Variants in NLRC5 observed in about 807,000 individuals in gnomAD.
NLRC5 encodes the protein NLR family CARD domain containing 5, also known as protein NLRC5.
In NLRC5, 114 loss-of-function variants were observed where a neutral mutation model predicts 206.9. That is an observed-to-expected ratio of 0.55 (90% CI 0.47 to 0.64). NLRC5 has a LOEUF of 0.64. NLRC5 is among the 30% of genes least tolerant of loss of function. NLRC5 has a pLI of 0.00. For synonymous variants in NLRC5, 952 were observed against 962.8 expected (o/e 0.99, Z 0.21); for missense variants, 2,008 against 2,305.5 (o/e 0.87, Z 2.64).
At chr16:57,073,419 C>A (rs1039546308) in intron 38 of NLRC5, among the ~76,000 whole-genome samples, 1 of 152,136 alleles carries the variant, frequency 6.6e-6, no homozygotes, top group Non-Finnish European at 1.5e-5. Context: ...TGGGTAGGAG[C>A]ATGGACCCTA....
intron 2 of NLRC5, among the ~76,000 whole-genome samples, chr16:57,019,057 A>T (rs2060381117): frequency 6.6e-6 from 1 of 152,222 alleles, no homozygotes; most frequent in African/African-American, 2.4e-5. Flanking sequence ...TGCTGTGTAA[A>T]TGCCCCGTGC....
chr16:56,997,259 A>G (rs1405125226), intron 1 of NLRC5, among the ~76,000 whole-genome samples: 1 of 152,114 alleles, frequency 6.6e-6, no homozygotes, highest in African/African-American at 2.4e-5. Context: ...GCCTGGAAAT[A>G]TTGCTTGAGA....
At chr16:57,015,292 C>T (rs1460647992) in intron 1 of NLRC5, among the ~76,000 whole-genome samples, 1 of 152,186 alleles carries the variant, frequency 6.6e-6, no homozygotes, top group East Asian at 1.9e-4. Flanking sequence ...GACCTAATCA[C>T]TTCGCAAAGG....
At chr16:57,064,750 C>T (rs2066904900) in intron 32 of NLRC5, among the ~76,000 whole-genome samples, 1 of 152,042 alleles carries the variant, frequency 6.6e-6, no homozygotes, top group East Asian at 1.9e-4. Flanking sequence ...ATGGTGAAAC[C>T]CCATCTCTAC....
At chr16:56,996,172 CT>C (rs2057582668) in intron 1 of NLRC5, among the ~76,000 whole-genome samples, 1 of 152,022 alleles carries the variant, frequency 6.6e-6, no homozygotes, top group Admixed American at 6.6e-5. Flanking sequence ...GGCTTTCTTT[CT>C]TTCTTTTTTT....
In NLRC5 at chr16:57,023,824, G is replaced by T. The variant is rs531478769; in HGVS notation, c.395G>T (p.Arg132Leu). The T allele has an allele frequency of 6.2e-7, 1 of 1,611,870 alleles. No individual in the cohort carries two copies. Among genetic ancestry groups the T allele is most frequent in the South Asian group, 1.1e-5 (1 of 90,476 alleles). The change falls in exon 5 of 49, where the codon CGC (arginine) becomes CTC (leucine). Residue 132 changes from arginine (R) to leucine (L), a missense_variant. Transcript: ENST00000688547. ...CATCAGAGCTGTGGGTCCTCACCCC[G>T]CCGGAAGCAGTGCAAGAAGCAGCAG... ...RPHQSCGSSP[R>L]RKQCKKQQLE...
intron 1 of NLRC5, among the ~76,000 whole-genome samples, chr16:56,993,013 C>T (rs951482433): frequency 2.0e-5 from 3 of 148,108 alleles, no homozygotes; most frequent in South Asian, 4.2e-4. Context: ...CAATTGCCCT[C>T]CCCGAAGACA....
intron 2 of NLRC5, among the ~76,000 whole-genome samples, chr16:57,019,290 G>A (rs1304350253): frequency 2.6e-5 from 4 of 152,134 alleles, no homozygotes; most frequent in African/African-American, 7.2e-5. Flanking sequence ...CCAGCTACTC[G>A]GGAGGCTGAG....
At position 57,028,327 on chromosome 16, in the gene NLRC5, C is replaced by A. The variant is rs775880379; in HGVS notation, c.2185C>A (p.Arg729=). 6.2e-7 allele frequency: 1 copy of A among 1,614,118 alleles called. No homozygotes were observed. The highest frequency in any genetic ancestry group is 1.1e-5 in the South Asian group (1 of 91,082). ...LGLAGSKITA[R]GISHLVKALP... ...GTTAGCAGGAAGTAAAATCACTGCC[C>A]GAGGCATCAGCCACCTGGTGAAAGC... Residue 729 remains arginine, a synonymous_variant, in exon 8 of 49, where the codon CGA becomes AGA. Transcript: ENST00000688547.
At position 57,003,334 on chromosome 16, in the gene NLRC5, G is replaced by A. The variant is rs546375817; in HGVS notation, c.-128+13717G>A. On this transcript the variant is annotated intron_variant, in intron 1 of 48. Transcript: ENST00000688547. ...CAAAGTGCTGGGATTACAGGCTTGA[G>A]CCACCATGCCCAGCCTGGATTGAGT... Among the ~76,000 whole-genome samples, 8 of 152,260 alleles carry A rather than the reference G, an allele frequency of 5.3e-5. No homozygotes were observed. The South Asian group carries it at 1.4e-3, about 28-fold the overall frequency.
chr16:57,053,344 C>T (rs1412098952), intron 24 of NLRC5, among the ~76,000 whole-genome samples: 1 of 152,090 alleles, frequency 6.6e-6, no homozygotes, highest in East Asian at 1.9e-4. Context: ...CATGATTAAG[C>T]TTGGTGGGCT....
At chr16:57,057,942 C>A (rs1025899815) in intron 27 of NLRC5, 123 bp from the exon 28 acceptor site, 2 of 735,092 alleles carry the variant, frequency 2.7e-6, no homozygotes, top group East Asian at 5.4e-5. Context: ...ATGGTGGTGG[C>A]GCTGGTGACC....
At chr16:57,064,792 C>T (rs750321342) in intron 32 of NLRC5, among the ~76,000 whole-genome samples, 50 of 151,976 alleles carry the variant, frequency 3.3e-4, no homozygotes, top group South Asian at 6.2e-4. Flanking sequence ...GGCGTGGTGG[C>T]GCATGCCTGT....
At chr16:57,027,855 G>A (rs192618184) in intron 6 of NLRC5, among the ~76,000 whole-genome samples, 44 of 152,366 alleles carry the variant, frequency 2.9e-4, no homozygotes, top group Middle Eastern at 3.4e-3. Flanking sequence ...GGGAGGCTGG[G>A]AAATGTGATC....
At chr16:57,002,645 G>GTTTTTTT (rs61167610) in intron 1 of NLRC5, among the ~76,000 whole-genome samples, 1 of 94,742 alleles carries the variant, frequency 1.1e-5, no homozygotes, top group Admixed American at 1.2e-4. Flanking sequence ...GTTTTTTTTT[G>GTTTTTTT]TTTTTTTTTT....
At chr16:57,008,395 T>C (rs1322219490) in intron 1 of NLRC5, among the ~76,000 whole-genome samples, 3 of 152,238 alleles carry the variant, frequency 2.0e-5, no homozygotes, top group Non-Finnish European at 2.9e-5. Context: ...CTTTCATGGT[T>C]TAACTTCTTA....
At chr16:57,003,193 C>A (rs926733157) in intron 1 of NLRC5, among the ~76,000 whole-genome samples, 13 of 152,060 alleles carry the variant, frequency 8.5e-5, no homozygotes, top group African/African-American at 2.9e-4. Context: ...GGATTACAGG[C>A]GCCTGCCACC....
At chr16:57,005,373 T>C (rs1367715497) in intron 1 of NLRC5, among the ~76,000 whole-genome samples, 2 of 152,052 alleles carry the variant, frequency 1.3e-5, no homozygotes, top group East Asian at 1.9e-4. Context: ...CAATATGAAC[T>C]TGGGGTCAGG....
At chr16:57,071,495 ATGG>A (rs2067761645) in intron 38 of NLRC5, among the ~76,000 whole-genome samples, 3 of 87,424 alleles carry the variant, frequency 3.4e-5, no homozygotes, top group Non-Finnish European at 6.4e-5. Flanking sequence ...GTGAGCGATG[ATGG>A]TGGTTAATGG....
Sources: gnomAD v4.1 joint callset for allele counts (sites outside exome capture counted in the v4.1 genomes callset) on GRCh38, gnomAD v4.1.1 for gene constraint, MANE v1.5 for transcripts, NCBI Gene and HGNC (gene_info 2026-07-23, HGNC 2026-07-21) for gene names.